The following FRMD3 variants were observed in gnomAD, a reference collection of about 807,000 sequenced individuals.
The protein encoded by FRMD3 is FERM domain containing 3, also known as FERM domain-containing protein 3.
In FRMD3, 33 loss-of-function variants were observed where a neutral mutation model predicts 70.2. The observed-to-expected ratio is 0.47, with a 90% CI of 0.36 to 0.63. The LOEUF is 0.63. Ranked by LOEUF, FRMD3 falls within the 20% of genes least tolerant of loss-of-function variation. The pLI is 0.00. For synonymous variants in FRMD3, 279 were observed against 255.9 expected (o/e 1.09, Z -0.86); for missense variants, 632 against 711.4 (o/e 0.89, Z 1.27).
At chr9:83,464,830 C>A (rs369347489) in intron 1 of FRMD3, among the ~76,000 whole-genome samples, 2 of 152,002 alleles carry the variant, frequency 1.3e-5, no homozygotes, top group East Asian at 1.9e-4. Flanking sequence ...ACCAGCCTGG[C>A]GAACATAGCG....
the FRMD3 span, among the ~76,000 whole-genome samples, chr9:83,563,976 A>G: frequency 1.3e-5 from 2 of 152,144 alleles, no homozygotes; most frequent in African/African-American, 2.4e-5. Flanking sequence ...TACAGTGCCA[A>G]GTCAGTGTGC....
At chr9:83,466,621 A>G (rs1191337831) in intron 1 of FRMD3, among the ~76,000 whole-genome samples, 1 of 152,190 alleles carries the variant, frequency 6.6e-6, no homozygotes, top group African/African-American at 2.4e-5. Context: ...TACCCTAGAA[A>G]AGACTGTGAA....
At chr9:83,394,190 C>A (rs1036917262) in intron 1 of FRMD3, among the ~76,000 whole-genome samples, 17 of 152,034 alleles carry the variant, frequency 1.1e-4, no homozygotes, top group African/African-American at 4.1e-4. Context: ...GATTGCTGAA[C>A]CCCCTGCAAT....
chr9:83,447,118 G>A (rs1314458362), intron 1 of FRMD3, among the ~76,000 whole-genome samples: 2 of 152,160 alleles, frequency 1.3e-5, no homozygotes, highest in Non-Finnish European at 2.9e-5. Flanking sequence ...CTGCCTCCCT[G>A]GTTCAAGCGA....
chr9:83,462,335 C>A (rs996303969), intron 1 of FRMD3, among the ~76,000 whole-genome samples: 2 of 152,298 alleles, frequency 1.3e-5, no homozygotes, highest in East Asian at 3.9e-4. Context: ...CAAGGTCCTA[C>A]GGTCTCTGAA....
rs764790748 is a variant in FRMD3, at chr9:83,310,545, T to A, written c.777A>T (p.Pro259=). The change falls in exon 9 of 14, where the codon CCA becomes CCT. Residue 259 remains proline (P), a synonymous_variant. Transcript: ENST00000304195. The part of the protein sequence containing the change: ...GNKRIHLIKW[P]DVCKLKFEGK... ...CTTCAAACTTCAATTTGCAGACATC[T>A]GGCCTAAGAAAAGAAAATCTCTGGG... 7 of 1,593,252 alleles carry A rather than the reference T, an allele frequency of 4.4e-6. No individual in the cohort carries two copies. Among genetic ancestry groups the A allele is most frequent in the Non-Finnish European group, 6.0e-6 (7 of 1,174,808 alleles).
At chr9:83,267,831 T>G (rs992769034) in intron 13 of FRMD3, among the ~76,000 whole-genome samples, 1 of 152,198 alleles carries the variant, frequency 6.6e-6, no homozygotes, top group African/African-American at 2.4e-5. Context: ...CACATCTCAA[T>G]TCGAACCAGC....
chr9:83,519,796 T>C lies in FRMD3; in HGVS notation c.147+18289A>G, dbSNP rs148717641. Among the ~76,000 whole-genome samples, 1,318 of 152,318 alleles carry C rather than the reference T, an allele frequency of 8.7e-3. 27 individuals carry two copies. The highest frequency in any genetic ancestry group is 0.031 in the African/African-American group (1,269 of 41,562). On this transcript the variant is annotated intron_variant, in intron 1 of 13. Transcript: ENST00000304195. ...AAGAAAATGTGGCACTTATACACGA[T>C]GGAATACTATGCAGCCATAAAAAAG...
intron 3 of FRMD3, among the ~76,000 whole-genome samples, chr9:83,364,523 G>A (rs796915421): frequency 4.6e-5 from 7 of 150,622 alleles, no homozygotes; most frequent in African/African-American, 1.5e-4. Context: ...ACCACTGCAC[G>A]CCAGCCTGGT....
At chr9:83,539,291 G>T (rs188488484), upstream of FRMD3, among the ~76,000 whole-genome samples, 1 of 152,182 alleles carries the variant, frequency 6.6e-6, no homozygotes, top group Non-Finnish European at 1.5e-5. Flanking sequence ...GAGGTATCCT[G>T]CCTCTCTGTT....
intron 1 of FRMD3, among the ~76,000 whole-genome samples, chr9:83,482,674 G>A (rs1488607841): frequency 6.6e-6 from 1 of 152,210 alleles, no homozygotes; most frequent in Non-Finnish European, 1.5e-5. Flanking sequence ...AGAAGCTGCT[G>A]AGGATAGACT....
Position 83,248,247 on chromosome 9 carries a change from C to T in FRMD3, c.1465G>A (p.Asp489Asn). 1 of 1,614,200 alleles carries T rather than the reference C, an allele frequency of 6.2e-7. No homozygotes were observed. Among genetic ancestry groups the T allele is most frequent in the African/African-American group, 1.3e-5 (1 of 75,044 alleles). Residue 489 changes from aspartate (D) to asparagine (N), a missense_variant, in exon 14 of 14, where the codon GAT (aspartate) becomes AAT (asparagine). By Grantham distance (23) the Asp-to-Asn change is conservative. Transcript: ENST00000304195. The part of the protein sequence containing the change: ...DTDSFEDLEA[D>N]ENAFLIAEEE... ...TCAGCAATCAAAAAGGCGTTTTCAT[C>T]TGCTTCCAGATCCTCAAATGAATCT...
upstream of FRMD3, among the ~76,000 whole-genome samples, chr9:83,539,046 C>T (rs1354838108): frequency 6.6e-6 from 1 of 152,188 alleles, no homozygotes; most frequent in South Asian, 2.1e-4. Flanking sequence ...ATGTGCAAAT[C>T]CTCCTTTAAA....
intron 7 of FRMD3, among the ~76,000 whole-genome samples, chr9:83,312,797 C>T (rs776368334): frequency 2.0e-5 from 3 of 149,846 alleles, no homozygotes; most frequent in East Asian, 4.1e-4. Context: ...CAGATCCTGA[C>T]GTAATTGGTG....
chr9:83,246,853 G>A lies in FRMD3; in HGVS notation c.*1065C>T, dbSNP rs558776444. 2.8e-5 allele frequency: 28 copies of A among 985,274 alleles called. No homozygotes were observed. Among genetic ancestry groups the A allele is most frequent in the African/African-American group, 1.6e-4 (9 of 57,294 alleles). The allele number at this position is 985,274 out of a possible 1,614,324, so 61.0% of individuals were successfully genotyped here. A position where few individuals can be genotyped will look rare whatever the true frequency, so the allele number is the denominator to read the frequency against. On this transcript the variant is annotated 3_prime_UTR_variant, in exon 14 of 14. Transcript: ENST00000304195. The stretch of plus-strand genomic sequence containing the variant: ...TGCACTGCTCTTCACATCATCGAAC[G>A]CTGGCATCACCATCACTTTCATAAA...
At chr9:83,291,483 C>T (rs1022092808) in intron 12 of FRMD3, among the ~76,000 whole-genome samples, 4 of 152,140 alleles carry the variant, frequency 2.6e-5, no homozygotes, top group African/African-American at 9.7e-5. Context: ...CCTGTCAAAA[C>T]CAAAACCAGT....
At chr9:83,456,182 T>C (rs1564086486) in intron 1 of FRMD3, among the ~76,000 whole-genome samples, 1 of 152,232 alleles carries the variant, frequency 6.6e-6, no homozygotes, top group Non-Finnish European at 1.5e-5. Flanking sequence ...ATATAAATGG[T>C]AGCATCTTGC....
chr9:83,537,582 G>A lies in FRMD3; in HGVS notation c.147+503C>T, dbSNP rs1375777556. Among the ~76,000 whole-genome samples, 2 of 152,208 alleles carry A rather than the reference G, an allele frequency of 1.3e-5. No individual in the cohort carries two copies. The highest frequency in any genetic ancestry group is 2.9e-5 in the Non-Finnish European group (2 of 68,020). On this transcript the variant is annotated intron_variant, in intron 1 of 13. Coordinates refer to ENST00000304195, the MANE Select transcript of FRMD3 (RefSeq NM_174938.6). The surrounding 1 kb of genome is among the most constrained non-coding windows in gnomAD (Gnocchi z 4.1). ...CCACCGGCGGAGGGTGAGGGGGACC[G>A]ACACGGAGCGGAAAGCAGGTTCCGG...
intron 1 of FRMD3, among the ~76,000 whole-genome samples, chr9:83,512,035 C>T (rs751263820): frequency 6.6e-6 from 1 of 152,170 alleles, no homozygotes; most frequent in African/African-American, 2.4e-5. Context: ...TGCTTACTGG[C>T]TATGTGACCG....
Sources: gnomAD v4.1 joint callset for allele counts (sites outside exome capture counted in the v4.1 genomes callset) on GRCh38, gnomAD v4.1.1 for gene constraint, Gnocchi (gnomAD v3.1) non-coding constraint, MANE v1.5 for transcripts, NCBI Gene and HGNC (gene_info 2026-07-23, HGNC 2026-07-21) for gene names.